The following MBNL1 variants were observed in gnomAD, a reference collection of about 807,000 sequenced individuals.
MBNL1 encodes muscleblind like splicing regulator 1.
Under a neutral mutation model 42.2 loss-of-function variants are expected in MBNL1, and 8 were observed. The observed-to-expected ratio is 0.19, with a 90% CI of 0.11 to 0.34. The LOEUF is 0.34. MBNL1 is among the 10% of genes least tolerant of loss of function. MBNL1 has a pLI of 1.00. For missense variants in MBNL1, 309 were observed against 495.3 expected (o/e 0.62, Z 3.57); for synonymous variants, 169 against 173.9 (o/e 0.97, Z 0.22).
At chr3:152,386,998 A>G (rs2097461024) in intron 2 of MBNL1, among the ~76,000 whole-genome samples, 1 of 152,130 alleles carries the variant, frequency 6.6e-6, no homozygotes, top group Non-Finnish European at 1.5e-5. Flanking sequence ...TGTTGTAAAA[A>G]TAGATTAAGT....
chr3:152,345,838 G>A, intron 2 of MBNL1, among the ~76,000 whole-genome samples: 1 of 152,042 alleles, frequency 6.6e-6, no homozygotes, highest in East Asian at 1.9e-4. Flanking sequence ...TTGAGCTTCA[G>A]ATTTCTAATC....
At chr3:152,447,563 C>CT (rs1034293518) in intron 5 of MBNL1, 57 bp from the exon 6 acceptor site, 12 of 1,337,828 alleles carry the variant, frequency 9.0e-6, no homozygotes, top group African/African-American at 3.1e-5. Flanking sequence ...ACTGATTTTT[C>CT]TTTTTTCTTT....
intron 2 of MBNL1, among the ~76,000 whole-genome samples, chr3:152,303,037 TAAGTC>T (rs2151653752): frequency 1.4e-5 from 2 of 143,158 alleles, no homozygotes; most frequent in Admixed American, 7.0e-5. Context: ...AAAAAAAAAA[TAAGTC>T]AAACAGTTCA....
intron 2 of MBNL1, among the ~76,000 whole-genome samples, chr3:152,313,313 G>A (rs554194059): frequency 6.6e-6 from 1 of 152,038 alleles, no homozygotes; most frequent in Non-Finnish European, 1.5e-5. Flanking sequence ...GTGAGCCACC[G>A]CGCCCGGCCA....
At chr3:152,402,045 A>AAAG (rs1468592592) in intron 2 of MBNL1, among the ~76,000 whole-genome samples, 4 of 151,956 alleles carry the variant, frequency 2.6e-5, no homozygotes, top group African/African-American at 9.7e-5. Context: ...AAAAAAAAAA[A>AAAG]AAAGATTTAC....
chr3:152,379,394 G>A (rs2097080344), intron 2 of MBNL1, among the ~76,000 whole-genome samples: 1 of 152,138 alleles, frequency 6.6e-6, no homozygotes, highest in African/African-American at 2.4e-5. Flanking sequence ...TTTCTTACAG[G>A]TTTAAATATT....
intron 2 of MBNL1, among the ~76,000 whole-genome samples, chr3:152,353,698 G>C (rs2095287183): frequency 2.2e-5 from 2 of 92,984 alleles, no homozygotes; most frequent in Admixed American, 2.8e-4. Flanking sequence ...TTGGCTTATA[G>C]TCCATTTTGA....
intron 3 of MBNL1, among the ~76,000 whole-genome samples, chr3:152,416,170 T>C (rs887390597): frequency 1.3e-5 from 2 of 152,212 alleles, no homozygotes; most frequent in Non-Finnish European, 2.9e-5. Flanking sequence ...TTTAGAACTT[T>C]ATGCAACAAT....
chr3:152,387,130 A>G (rs144703705), intron 2 of MBNL1, among the ~76,000 whole-genome samples: 1 of 152,198 alleles, frequency 6.6e-6, no homozygotes, highest in East Asian at 1.9e-4. Context: ...TTAATATTAT[A>G]TAATGAAGGA....
chr3:152,350,865 A>G (rs1265184196), intron 2 of MBNL1, among the ~76,000 whole-genome samples: 2 of 152,104 alleles, frequency 1.3e-5, no homozygotes, highest in East Asian at 3.9e-4. Flanking sequence ...ATAGAATTTC[A>G]TGAGGGCAGA....
chr3:152,247,894 A>T (rs1380409118), intron 2 of MBNL1, among the ~76,000 whole-genome samples: 2 of 152,054 alleles, frequency 1.3e-5, no homozygotes, highest in Non-Finnish European at 2.9e-5. Flanking sequence ...CTTGGAAAGC[A>T]GATGAAGAAT....
chr3:152,372,115 T>G (rs2096690943), intron 2 of MBNL1, among the ~76,000 whole-genome samples: 1 of 152,238 alleles, frequency 6.6e-6, no homozygotes, highest in Admixed American at 6.5e-5. Flanking sequence ...TTGTGTATGC[T>G]TCACAAAGTT....
chr3:152,312,191 CAAAAA>C (rs34750394), intron 2 of MBNL1, among the ~76,000 whole-genome samples: 1 of 47,488 alleles, frequency 2.1e-5, no homozygotes, highest in African/African-American at 8.2e-5. Flanking sequence ...GACTCCGTCT[CAAAAA>C]AAAAAAAAAA....
intron 4 of MBNL1, among the ~76,000 whole-genome samples, chr3:152,439,487 C>CT (rs1023074971): frequency 2.6e-5 from 4 of 152,074 alleles, no homozygotes; most frequent in East Asian, 1.9e-4. Context: ...GCTTGTGTGA[C>CT]TTTTTTTACT....
chr3:152,435,401 G>A (rs879580592), intron 4 of MBNL1, among the ~76,000 whole-genome samples: 3 of 152,138 alleles, frequency 2.0e-5, no homozygotes, highest in Admixed American at 2.0e-4. Flanking sequence ...TGGTCTGTGT[G>A]TCTTTTTTTG....
In MBNL1 at chr3:152,465,310, C is replaced by T. The variant is rs1182560742; in HGVS notation, c.*2944C>T. ...AAAAAATCTTCAAAACAAGTATTGA[C>T]TTTCACAAAATTTAAATCATAAACA... is the stretch of plus-strand genomic sequence containing the variant. On this transcript the variant is annotated 3_prime_UTR_variant, in exon 10 of 10. Coordinates refer to ENST00000324210, the MANE Select transcript of MBNL1 (RefSeq NM_021038.5). The T allele has an allele frequency of 6.6e-6, 1 of 152,330 alleles. No homozygotes were observed. The allele number at this position is 152,330 out of a possible 1,614,324, so 9.4% of individuals were successfully genotyped here.
chr3:152,280,939 T>C (rs1326954795), intron 1 of MBNL1, among the ~76,000 whole-genome samples: 2 of 152,154 alleles, frequency 1.3e-5, no homozygotes, highest in African/African-American at 2.4e-5. Context: ...TACTATAAGA[T>C]TTTAATTGAA....
intron 1 of MBNL1, among the ~76,000 whole-genome samples, chr3:152,284,451 G>GA (rs1027655330): frequency 2.6e-5 from 4 of 151,886 alleles, no homozygotes; most frequent in African/African-American, 9.6e-5. Context: ...ACATGTAAAA[G>GA]AAAAAAATCC....
chr3:152,277,756 TTA>T (rs1189668253), intron 1 of MBNL1, among the ~76,000 whole-genome samples: 22 of 152,226 alleles, frequency 1.4e-4, no homozygotes, highest in Non-Finnish European at 2.9e-4. Flanking sequence ...CATTGATAGA[TTA>T]TGTTTTATTT....
Sources: gnomAD v4.1 joint callset for allele counts (sites outside exome capture counted in the v4.1 genomes callset) on GRCh38, gnomAD v4.1.1 for gene constraint, MANE v1.5 for transcripts, NCBI Gene and HGNC (gene_info 2026-07-23, HGNC 2026-07-21) for gene names.